The following NLGN1 variants were observed in gnomAD, a reference collection of about 807,000 sequenced individuals.
NLGN1 encodes the protein neuroligin 1, also known as neuroligin-1.
A neutral mutation model predicts 65.5 loss-of-function variants in NLGN1; 12 were observed. The observed-to-expected ratio is 0.18, with a 90% CI of 0.12 to 0.30. The LOEUF (loss-of-function observed/expected upper bound fraction) is 0.30. Among genes scored for constraint, NLGN1 ranks in the 10% least tolerant of loss-of-function variants. NLGN1 has a pLI of 1.00. For missense variants in NLGN1, 750 were observed against 1,007.1 expected (o/e 0.74, Z 3.46); for synonymous variants, 350 against 359.5 (o/e 0.97, Z 0.30).
At chr3:173,609,691 G>T (rs746158094) in intron 3 of NLGN1, among the ~76,000 whole-genome samples, 1 of 151,888 alleles carries the variant, frequency 6.6e-6, no homozygotes. Context: ...TAGGTACAGA[G>T]TAAATAAAAG....
chr3:173,494,126 T>A (rs1576964678), intron 2 of NLGN1, among the ~76,000 whole-genome samples: 1 of 82,582 alleles, frequency 1.2e-5, no homozygotes, highest in Admixed American at 9.5e-5. Context: ...TAGGTGAGTG[T>A]GTGTGTGTGT....
intron 4 of NLGN1, among the ~76,000 whole-genome samples, chr3:173,878,989 T>C (rs146993676): frequency 1.5e-3 from 222 of 152,148 alleles, no homozygotes; most frequent in African/African-American, 4.9e-3. Context: ...TCCCAGCACT[T>C]TGGGAGGCCA....
intron 3 of NLGN1, among the ~76,000 whole-genome samples, chr3:173,658,750 G>A (rs904585372): frequency 1.3e-4 from 20 of 152,090 alleles, no homozygotes; most frequent in African/African-American, 4.8e-4. Flanking sequence ...TGTAGGCATG[G>A]TGTTGATTCC....
At chr3:173,469,202 A>G (rs1576839479) in intron 2 of NLGN1, among the ~76,000 whole-genome samples, 2 of 152,100 alleles carry the variant, frequency 1.3e-5, no homozygotes, top group Admixed American at 6.6e-5. Context: ...ATTTTTTCAA[A>G]TTACAATAAT....
intron 4 of NLGN1, among the ~76,000 whole-genome samples, chr3:174,238,710 G>A (rs1429358344): frequency 6.6e-6 from 1 of 152,060 alleles, no homozygotes; most frequent in African/African-American, 2.4e-5. Context: ...TCCATTTTCA[G>A]TTCAGGCTCT....
chr3:173,863,901 A>C (rs550510960), intron 4 of NLGN1, among the ~76,000 whole-genome samples: 1 of 152,352 alleles, frequency 6.6e-6, no homozygotes, highest in East Asian at 1.9e-4. Flanking sequence ...ATGTAGAAAA[A>C]GTGATCAATC....
At chr3:173,626,506 A>G (rs1049224702) in intron 3 of NLGN1, among the ~76,000 whole-genome samples, 17 of 152,116 alleles carry the variant, frequency 1.1e-4, no homozygotes, top group African/African-American at 4.1e-4. Context: ...AAATTTTGTC[A>G]TAAATGTTTC....
chr3:173,962,376 C>G (rs115517881), intron 4 of NLGN1, among the ~76,000 whole-genome samples: 143 of 152,208 alleles, frequency 9.4e-4, no homozygotes, highest in Non-Finnish European at 1.8e-3. Flanking sequence ...ATTTTACTCT[C>G]TCTTTTATAA....
intron 2 of NLGN1, among the ~76,000 whole-genome samples, chr3:173,584,399 ATTTTTTTTTTTTTTTTTTTTT>A (rs66827074): frequency 1.6e-4 from 5 of 30,798 alleles, no homozygotes; most frequent in African/African-American, 5.7e-4. Context: ...GGTCCTCGGC[ATTTTTTTTTTTTTTTTTTTTT>A]TTTTTTTTTT....
intron 3 of NLGN1, among the ~76,000 whole-genome samples, chr3:173,739,383 A>AC (rs143137151): frequency 0.085 from 12,875 of 152,120 alleles, 520 homozygotes; most frequent in Middle Eastern, 0.13. Flanking sequence ...AAATATTTTA[A>AC]CCCGAACAAA....
chr3:174,088,684 C>T (rs9836475), intron 4 of NLGN1, among the ~76,000 whole-genome samples: 6,473 of 151,298 alleles, frequency 0.043, 179 homozygotes, highest in South Asian at 0.092. Flanking sequence ...ACTCGGGAGG[C>T]GGAGCTTGCA....
intron 3 of NLGN1, among the ~76,000 whole-genome samples, chr3:173,613,097 TG>T (rs1401410317): frequency 1.5e-4 from 23 of 152,140 alleles, no homozygotes; most frequent in Admixed American, 1.2e-3. Flanking sequence ...TATAGAATTT[TG>T]GGGAGACACA....
intron 3 of NLGN1, among the ~76,000 whole-genome samples, chr3:173,757,837 C>G (rs771642938): frequency 6.6e-6 from 1 of 151,924 alleles, no homozygotes; most frequent in Non-Finnish European, 1.5e-5. Flanking sequence ...GTTTATAATA[C>G]GATGTCTGAA....
intron 4 of NLGN1, among the ~76,000 whole-genome samples, chr3:174,032,946 G>T (rs1331796578): frequency 6.6e-6 from 1 of 151,700 alleles, no homozygotes; most frequent in African/African-American, 2.4e-5. Context: ...GACAGTGGGG[G>T]ACAGAAGCAA....
chr3:174,079,264 G>A (rs1489131212), intron 4 of NLGN1, among the ~76,000 whole-genome samples: 2 of 151,994 alleles, frequency 1.3e-5, no homozygotes, highest in Non-Finnish European at 2.9e-5. Flanking sequence ...AGATATACAT[G>A]CGGCCAACAC....
intron 1 of NLGN1, among the ~76,000 whole-genome samples, chr3:173,400,105 T>G (rs1303134442): frequency 6.6e-6 from 1 of 152,248 alleles, no homozygotes; most frequent in Non-Finnish European, 1.5e-5. Flanking sequence ...ACATATACCT[T>G]TGCCACATTT....
At chr3:173,434,194 C>A (rs1375865494) in intron 1 of NLGN1, among the ~76,000 whole-genome samples, 11 of 152,104 alleles carry the variant, frequency 7.2e-5, no homozygotes, top group Admixed American at 7.2e-4. Flanking sequence ...TAGACATATT[C>A]AAATTACTCA....
intron 4 of NLGN1, among the ~76,000 whole-genome samples, chr3:173,953,880 A>T (rs1350164671): frequency 6.6e-6 from 1 of 152,116 alleles, no homozygotes; most frequent in East Asian, 1.9e-4. Context: ...TGTAATTGCT[A>T]ATGGTCCCCC....
chr3:173,426,963 T>G (rs1716227212), intron 1 of NLGN1, among the ~76,000 whole-genome samples: 2 of 152,078 alleles, frequency 1.3e-5, no homozygotes, highest in South Asian at 4.1e-4. Flanking sequence ...TTACGGACTT[T>G]CTTTGTGGAG....
Sources: gnomAD v4.1 joint callset for allele counts (sites outside exome capture counted in the v4.1 genomes callset) on GRCh38, gnomAD v4.1.1 for gene constraint, MANE v1.5 for transcripts, NCBI Gene and HGNC (gene_info 2026-07-23, HGNC 2026-07-21) for gene names.